Variants in FOXN1 observed in about 807,000 individuals in gnomAD.
FOXN1 encodes forkhead box protein N1.
In FOXN1, 15 loss-of-function variants were observed where a neutral mutation model predicts 49.0. The observed-to-expected ratio is 0.31, with a 90% CI of 0.20 to 0.47. The LOEUF (loss-of-function observed/expected upper bound fraction) is 0.47. Among genes scored for constraint, FOXN1 ranks in the 20% least tolerant of loss-of-function variants. FOXN1 has a pLI of 1.00. For synonymous variants in FOXN1, 356 were observed against 369.0 expected, an observed-to-expected ratio of 0.96 and a Z score of 0.40; for missense variants, 800 against 842.8, an observed-to-expected ratio of 0.95 and a Z score of 0.63.
intron 1 of FOXN1, among the ~76,000 whole-genome samples, chr17:28,514,614 TG>T (rs1199287811): frequency 6.6e-6 from 1 of 152,090 alleles, no homozygotes; most frequent in Non-Finnish European, 1.5e-5. Context: ...GGTGGAGCCC[TG>T]GGTGGGGCTA....
intron 5 of FOXN1, 49 bp from the exon 6 acceptor site, chr17:28,530,700 C>G (rs754676566): frequency 1.9e-6 from 2 of 1,076,824 alleles, no homozygotes; most frequent in East Asian, 4.7e-5. Flanking sequence ...GGGGTGGGCT[C>G]AGGACCCAGT....
chr17:28,530,607 G>C (rs1351105545), intron 5 of FOXN1, 142 bp from the exon 6 acceptor site: 1 of 678,656 alleles, frequency 1.5e-6, no homozygotes, highest in Non-Finnish European at 2.7e-6. Context: ...CCTGACTTCC[G>C]TGCTCACTTC....
intron 6 of FOXN1, among the ~76,000 whole-genome samples, chr17:28,533,485 A>ACCG (rs1555610616): frequency 3.2e-5 from 4 of 126,380 alleles, no homozygotes; most frequent in Admixed American, 2.5e-4. Context: ...TGGCACGAGC[A>ACCG]CCCCCCCCCA....
intron 3 of FOXN1, 65 bp downstream of exon 3, chr17:28,525,032 G>C: frequency 1.5e-6 from 2 of 1,299,740 alleles, no homozygotes; most frequent in South Asian, 2.5e-5. Context: ...AGCCTAGAAA[G>C]AGTCAGACCT....
rs970402793 is a variant in FOXN1 at position 28,538,713 on chromosome 17, G to T, written c.*1277G>T. 5 of 152,236 alleles carry T rather than the reference G, an allele frequency of 3.3e-5. No individual in the cohort carries two copies. Among genetic ancestry groups the T allele is most frequent in the African/African-American group, 1.2e-4 (5 of 41,452 alleles). The allele number at this position is 152,236 out of a possible 1,614,324, so 9.4% of individuals were successfully genotyped here. A position where few individuals can be genotyped will look rare whatever the true frequency, so the allele number is the denominator to read the frequency against. ...CAAGGGATACCCTTGGCCCTGCGGGGTGTGGCCCAGGTGCCTGCCATGAGC... is the reference window on the plus strand; with the variant it reads ...CAAGGGATACCCTTGGCCCTGCGGGTTGTGGCCCAGGTGCCTGCCATGAGC... On this transcript the variant is annotated 3_prime_UTR_variant, in exon 9 of 9. Coordinates refer to ENST00000579795, the MANE Select transcript of FOXN1 (RefSeq NM_001369369.1).
intron 8 of FOXN1, among the ~76,000 whole-genome samples, chr17:28,536,894 A>T (rs2070078139): frequency 6.6e-6 from 1 of 151,862 alleles, no homozygotes; most frequent in Non-Finnish European, 1.5e-5. Flanking sequence ...CACAGAGGTC[A>T]TCTAGATCGA....
chr17:28,538,421 T>A lies in FOXN1; in HGVS notation c.*985T>A, dbSNP rs1443416910. The A allele has an allele frequency of 6.6e-6, 1 of 152,248 alleles. No homozygotes were observed. The highest frequency in any genetic ancestry group is 2.4e-5 in the African/African-American group (1 of 41,452). The allele number at this position is 152,248 out of a possible 1,614,324, so 9.4% of individuals were successfully genotyped here. A position where few individuals can be genotyped will look rare whatever the true frequency, so the allele number is the denominator to read the frequency against. On this transcript the variant is annotated 3_prime_UTR_variant, in exon 9 of 9. Coordinates refer to ENST00000579795, the MANE Select transcript of FOXN1 (RefSeq NM_001369369.1). ...ATACACATTCAGTATGTTCCTCGAC[T>A]TAGGATGCGGTTATGTCCGATAAAC...
intron 1 of FOXN1, among the ~76,000 whole-genome samples, chr17:28,517,099 A>G: frequency 1.0e-5 from 1 of 98,040 alleles, no homozygotes; most frequent in Non-Finnish European, 2.3e-5. Context: ...CAGGGTACAC[A>G]CCTCCACAGG....
intron 1 of FOXN1, among the ~76,000 whole-genome samples, chr17:28,519,314 G>T (rs887707242): frequency 1.3e-5 from 2 of 151,762 alleles, no homozygotes; most frequent in Admixed American, 6.6e-5. Context: ...CTGGGCGACA[G>T]CAAGACCTTG....
chr17:28,536,479 G>C (rs1478640058), intron 8 of FOXN1, among the ~76,000 whole-genome samples: 1 of 152,160 alleles, frequency 6.6e-6, no homozygotes, highest in Non-Finnish European at 1.5e-5. Flanking sequence ...AGGGAGAGTT[G>C]GGACTGGAAC....
intron 6 of FOXN1, among the ~76,000 whole-genome samples, chr17:28,532,886 C>T (rs1489380089): frequency 6.6e-6 from 1 of 152,246 alleles, no homozygotes; most frequent in Non-Finnish European, 1.5e-5. Flanking sequence ...AAGGCCCCAG[C>T]GCCCATTAAC....
At chr17:28,509,497 C>A (rs1161430989) in intron 1 of FOXN1, among the ~76,000 whole-genome samples, 1 of 152,238 alleles carries the variant, frequency 6.6e-6, no homozygotes, top group African/African-American at 2.4e-5. Context: ...ACACCCCTCA[C>A]CAGCATCCCC....
At chr17:28,517,087 C>T (rs1567873382) in intron 1 of FOXN1, among the ~76,000 whole-genome samples, 1 of 91,728 alleles carries the variant, frequency 1.1e-5, no homozygotes, top group Non-Finnish European at 2.6e-5. Flanking sequence ...TACACACTTC[C>T]ACAGGGTACA....
intron 8 of FOXN1, among the ~76,000 whole-genome samples, chr17:28,536,593 G>GC (rs2070069658): frequency 6.6e-6 from 1 of 152,208 alleles, no homozygotes; most frequent in Admixed American, 6.5e-5. Context: ...CAGCCATGAT[G>GC]AGGGTCCACA....
At position 28,537,372 on chromosome 17, in the gene FOXN1, C is replaced by A. The variant is rs139677414; in HGVS notation, c.1883C>A (p.Pro628His). The A allele has an allele frequency of 4.2e-5, 67 of 1,612,886 alleles. No homozygotes were observed. In the African/African-American group the frequency reaches 8.3e-4, roughly 20 times the overall value. The change falls in exon 9 of 9, where the codon CCC (proline) becomes CAC (histidine). Residue 628 changes from proline to histidine, a missense_variant. Physicochemically the swap from Pro to His is moderately conservative, Grantham distance 77 (BLOSUM62 -2). This residue lies in a region of FOXN1 where 344 missense variants were observed against 366.1 expected (regional missense o/e 0.94). Coordinates refer to ENST00000579795, the MANE Select transcript of FOXN1 (RefSeq NM_001369369.1). ...TTTATGGAGCTGGAGCCCACGCCCC[C>A]CACGGCCCCTGCAGGCCCCTCTGTG... ...SAFMELEPTP[P>H]TAPAGPSVYL... is the part of the protein sequence containing the mutation.
At chr17:28,536,256 T>C (rs182041443) in intron 8 of FOXN1, among the ~76,000 whole-genome samples, 1 of 152,280 alleles carries the variant, frequency 6.6e-6, no homozygotes, top group Admixed American at 6.5e-5. Flanking sequence ...AGTCCAGAAG[T>C]GGGGAGCAGG....
Position 28,529,215 on chromosome 17 carries a change from A to G in FOXN1, c.821A>G (p.Tyr274Cys), listed in dbSNP as rs1427071220. The G allele has an allele frequency of 6.2e-7, 1 of 1,613,988 alleles. No homozygotes were observed. Among genetic ancestry groups the G allele is most frequent in the Non-Finnish European group, 8.5e-7 (1 of 1,180,006 alleles). ...CAGCCTCTCTTCCCAAAACCCATCT[A>G]TTCCTACAGGTACATTTCCCACTCT... ...GHQPLFPKPI[Y>C]SYSILIFMAL... The change falls in exon 5 of 9, where the codon TAT becomes TGT. Residue 274 changes from tyrosine (Y) to cysteine (C), a missense_variant. Physicochemically the swap from Tyr to Cys is radical, Grantham distance 194. This residue lies in a region of FOXN1 where 73 missense variants were observed against 118.9 expected (regional missense o/e 0.61). Coordinates refer to ENST00000579795, the MANE Select transcript of FOXN1 (RefSeq NM_001369369.1).
Position 28,537,490 on chromosome 17 carries a change from G to A in FOXN1, c.*54G>A, listed in dbSNP as rs554286457. On this transcript the variant is annotated 3_prime_UTR_variant, in exon 9 of 9. Coordinates refer to ENST00000579795, the MANE Select transcript of FOXN1 (RefSeq NM_001369369.1). ...TTTGCCTGGTCTGGAAGTCCTGGCCGGCCGCCCACATCGGGCTCACCTTAA... is the reference window on the plus strand; with the variant it reads ...TTTGCCTGGTCTGGAAGTCCTGGCCAGCCGCCCACATCGGGCTCACCTTAA... 30 of 1,414,746 alleles carry A rather than the reference G, an allele frequency of 2.1e-5. No homozygotes were observed. Among genetic ancestry groups the A allele is most frequent in the African/African-American group, 1.7e-4 (12 of 71,128 alleles). The allele number at this position is 1,414,746 out of a possible 1,614,324, so 87.6% of individuals were successfully genotyped here.
intron 1 of FOXN1, among the ~76,000 whole-genome samples, chr17:28,506,711 T>C (rs1279440556): frequency 6.6e-6 from 1 of 152,006 alleles, no homozygotes; most frequent in Non-Finnish European, 1.5e-5. Context: ...GTGTGCTGGA[T>C]TTTGTGTGTG....
Sources: gnomAD v4.1 joint callset for allele counts (sites outside exome capture counted in the v4.1 genomes callset) on GRCh38, gnomAD v4.1.1 for gene constraint, gnomAD v4.1.1 regional missense constraint, MANE v1.5 for transcripts, NCBI Gene and HGNC (gene_info 2026-07-23, HGNC 2026-07-21) for gene names.